Variants in KLHL4 observed in about 807,000 individuals in gnomAD.
KLHL4 encodes the protein kelch like family member 4, also known as kelch-like protein 4.
In KLHL4, 17 loss-of-function variants were observed where a neutral mutation model predicts 45.8. The ratio of observed to expected loss-of-function variants is 0.37; its 90% confidence interval spans 0.25 to 0.56. The LOEUF is 0.56. Ranked by LOEUF, KLHL4 falls within the 20% of genes least tolerant of loss-of-function variation. KLHL4 has a pLI of 0.79. For missense variants in KLHL4, 544 were observed against 544.9 expected (o/e 1.00, Z 0.02); for synonymous variants, 224 against 189.9 (o/e 1.18, Z -1.47).
intron 9 of KLHL4, among the ~76,000 whole-genome samples, chrX:87,651,386 A>G (rs757030642): frequency 4.5e-5 from 5 of 111,987 alleles, no homozygotes; most frequent in Non-Finnish European, 9.4e-5. Flanking sequence ...AACTCATTTC[A>G]GCATTAACTC....
At chrX:87,570,775 C>T (rs1455553243) in intron 1 of KLHL4, among the ~76,000 whole-genome samples, 1 of 110,762 alleles carries the variant, frequency 9.0e-6, no homozygotes, top group East Asian at 2.8e-4. Flanking sequence ...CATCATTTTA[C>T]TGGCAATGTG....
chrX:87,645,864 C>T lies in KLHL4; in HGVS notation c.1925+10089C>T, dbSNP rs185876669. ...GAGCTAAACTATGAGGACACAAAGG[C>T]ACAAGAATGATACAATGGACTTTGG... On this transcript the variant is annotated intron_variant, in intron 9 of 10. Coordinates refer to ENST00000373119, the MANE Select transcript of KLHL4 (RefSeq NM_019117.5). 2.2e-3 allele frequency among the ~76,000 whole-genome samples: 243 copies of T among 110,775 alleles called. 2 individuals are homozygous for T. Among genetic ancestry groups the T allele is most frequent in the African/African-American group, 7.6e-3 (231 of 30,479 alleles).
At chrX:87,586,253 A>T (rs1433404971) in intron 1 of KLHL4, among the ~76,000 whole-genome samples, 1 of 111,087 alleles carries the variant, frequency 9.0e-6, no homozygotes, top group African/African-American at 3.3e-5. Flanking sequence ...CATGAGACTT[A>T]ATCTGCACTG....
chrX:87,637,547 G>A (rs910013123), intron 9 of KLHL4, among the ~76,000 whole-genome samples: 1 of 111,404 alleles, frequency 9.0e-6, no homozygotes, highest in South Asian at 3.8e-4. Context: ...AAGGAGGTAC[G>A]GGAGAATGGT....
chrX:87,645,908 G>A (rs1923615062), intron 9 of KLHL4, among the ~76,000 whole-genome samples: 1 of 110,784 alleles, frequency 9.0e-6, no homozygotes, highest in Non-Finnish European at 1.9e-5. Context: ...CAAGGGAAGA[G>A]TAGGAGGTAG....
At position 87,669,595 on chromosome X, in the gene KLHL4, G is replaced by T; in HGVS notation, c.*3061G>T. Reference sequence around the variant, plus strand: ...CTCCTACCTTGAGATCTTAGTCTAGGTAAAGAAAAAAAAAAAAAGGTCATG... The same window carrying T: ...CTCCTACCTTGAGATCTTAGTCTAGTTAAAGAAAAAAAAAAAAAGGTCATG... On this transcript the variant is annotated 3_prime_UTR_variant, in exon 11 of 11. Coordinates refer to ENST00000373119, the MANE Select transcript of KLHL4 (RefSeq NM_019117.5). 6 of 316,468 alleles carry T rather than the reference G, an allele frequency of 1.9e-5. No homozygotes were observed. Among genetic ancestry groups the T allele is most frequent in the East Asian group, 5.6e-5 (1 of 17,808 alleles). The allele number at this position is 316,468 out of a possible 1,213,427, so 26.1% of individuals were successfully genotyped here. A position where few individuals can be genotyped will look rare whatever the true frequency, so the allele number is the denominator to read the frequency against.
At chrX:87,536,791 A>T (rs191666391) in intron 1 of KLHL4, among the ~76,000 whole-genome samples, 135 of 111,611 alleles carry the variant, frequency 1.2e-3, no homozygotes, top group African/African-American at 4.1e-3. Context: ...TGCAAAATTA[A>T]TATATAGTAT....
chrX:87,659,522 C>T (rs1924113913), intron 9 of KLHL4, among the ~76,000 whole-genome samples: 1 of 110,955 alleles, frequency 9.0e-6, no homozygotes, highest in African/African-American at 3.3e-5. Flanking sequence ...TCATTGAATC[C>T]CTCTACTGAA....
intron 1 of KLHL4, among the ~76,000 whole-genome samples, chrX:87,541,993 C>T (rs1384914990): frequency 8.9e-6 from 1 of 112,028 alleles, no homozygotes; most frequent in Non-Finnish European, 1.9e-5. Context: ...GCTTGCTGTG[C>T]TTTAGCAAAG....
At chrX:87,663,073 T>G (rs1924253699) in intron 9 of KLHL4, among the ~76,000 whole-genome samples, 1 of 108,192 alleles carries the variant, frequency 9.2e-6, no homozygotes, top group Admixed American at 9.9e-5. Flanking sequence ...TTACTTATGA[T>G]AATAATTCAA....
chrX:87,531,108 G>C (rs757851170), intron 1 of KLHL4, among the ~76,000 whole-genome samples: 1 of 111,071 alleles, frequency 9.0e-6, no homozygotes, highest in Non-Finnish European at 1.9e-5. Context: ...CCCACTTTTT[G>C]ATGGGGTTGT....
chrX:87,637,644 A>G (rs537382540), intron 9 of KLHL4, among the ~76,000 whole-genome samples: 1 of 112,315 alleles, frequency 8.9e-6, no homozygotes, highest in African/African-American at 3.2e-5. Context: ...TGAAATAGAT[A>G]GCATAAATAA....
intron 1 of KLHL4, among the ~76,000 whole-genome samples, chrX:87,565,666 C>T (rs1932190957): frequency 1.3e-5 from 1 of 74,262 alleles, no homozygotes; most frequent in African/African-American, 5.7e-5. Flanking sequence ...GTGGAGGTTG[C>T]AGTGAGCCGT....
intron 1 of KLHL4, among the ~76,000 whole-genome samples, chrX:87,549,403 C>G (rs1931761533): frequency 1.8e-5 from 2 of 111,431 alleles, no homozygotes; most frequent in African/African-American, 6.5e-5. Context: ...TAGATTTAAT[C>G]TGTACTATAA....
At chrX:87,608,471 G>A (rs1163508711) in intron 1 of KLHL4, among the ~76,000 whole-genome samples, 2 of 110,240 alleles carry the variant, frequency 1.8e-5, no homozygotes, top group Non-Finnish European at 3.8e-5. Context: ...CCCTTCTGAA[G>A]GGCTTTTTTT....
intron 9 of KLHL4, among the ~76,000 whole-genome samples, chrX:87,637,414 A>G (rs144013819): frequency 8.1e-5 from 9 of 111,295 alleles, no homozygotes; most frequent in Admixed American, 2.9e-4. Flanking sequence ...TGGTAGTATG[A>G]CAAAATGAGG....
At position 87,564,927 on chromosome X, in the gene KLHL4, G is replaced by A. The variant is rs768919664; in HGVS notation, c.422+46612G>A. Among the ~76,000 whole-genome samples, 5 of 111,632 alleles carry A rather than the reference G, an allele frequency of 4.5e-5. No homozygotes were observed. The South Asian group carries it at 1.9e-3, about 42-fold the overall frequency. ...ACGATGTATTAGGCCAATAAAGAAGGTCTAAATAAATTTTAAAAGTATGTA... is the reference window on the plus strand; with the variant it reads ...ACGATGTATTAGGCCAATAAAGAAGATCTAAATAAATTTTAAAAGTATGTA... On this transcript the variant is annotated intron_variant, in intron 1 of 10. Coordinates refer to ENST00000373119, the MANE Select transcript of KLHL4 (RefSeq NM_019117.5).
At chrX:87,610,379 A>G (rs150808179) in intron 1 of KLHL4, among the ~76,000 whole-genome samples, 4,651 of 111,853 alleles carry the variant, frequency 0.042, 255 homozygotes, top group African/African-American at 0.14. Flanking sequence ...AGTTCTATTG[A>G]AAGTTAGGAC....
intron 8 of KLHL4, 75 bp from the exon 9 acceptor site, chrX:87,635,488 C>A: frequency 1.3e-6 from 1 of 781,759 alleles, no homozygotes; most frequent in Non-Finnish European, 1.9e-6. Flanking sequence ...CTCTCACTCT[C>A]ATTCTATGCA....
Sources: allele counts gnomAD v4.1 joint callset (sites outside exome capture counted in the v4.1 genomes callset), GRCh38; gene constraint gnomAD v4.1.1; transcripts MANE v1.5; gene names NCBI Gene and HGNC (gene_info 2026-07-23, HGNC 2026-07-21).